Variants in ACOX3 observed in about 807,000 individuals in gnomAD.
The protein encoded by ACOX3 is peroxisomal acyl-coenzyme A oxidase 3.
ACOX3 carries 73 observed loss-of-function variants against 81.5 expected under a neutral mutation model. The ratio of observed to expected loss-of-function variants is 0.90; its 90% CI spans 0.74 to 1.09. The LOEUF (loss-of-function observed/expected upper bound fraction) is 1.09. ACOX3 is among the 50% of genes least tolerant of loss of function. ACOX3 has a pLI of 0.00. For missense variants in ACOX3, 947 were observed against 928.0 expected, an observed-to-expected ratio of 1.02 and a Z score of -0.27; for synonymous variants, 387 against 375.1, an observed-to-expected ratio of 1.03 and a Z score of -0.37.
downstream of ACOX3, among the ~76,000 whole-genome samples, chr4:8,364,053 T>C (rs890568405): frequency 6.6e-5 from 10 of 152,178 alleles, no homozygotes; most frequent in Non-Finnish European, 1.5e-4. This position sits in a 1 kb window ranked among gnomAD's most constrained non-coding sequence, Gnocchi z 5.0. Flanking sequence ...GGATTCACCC[T>C]GAATTCTTTC....
chr4:8,440,388 C>T (rs779480841), intron 1 of ACOX3, among the ~76,000 whole-genome samples: 2 of 152,228 alleles, frequency 1.3e-5, no homozygotes, highest in Admixed American at 6.5e-5. Flanking sequence ...ATGAAACAGC[C>T]ATGGCTGCAC....
chr4:8,432,515 G>A lies in ACOX3; in HGVS notation c.-15+8133C>T, dbSNP rs1345462853. On this transcript the variant is annotated intron_variant, in intron 1 of 17. Coordinates refer to ENST00000356406, the MANE Select transcript of ACOX3 (RefSeq NM_003501.3). The surrounding 1 kb of genome is among the most constrained non-coding windows in gnomAD (Gnocchi z 6.2). ...CCCAATGTGCTGGGATTACAGGCGT[G>A]AGCCACCGCGCCCGGCCTGATTTTT... Among the ~76,000 whole-genome samples the A allele has an allele frequency of 6.7e-6, 1 of 149,904 alleles. No individual in the cohort carries two copies. Among genetic ancestry groups the A allele is most frequent in the Non-Finnish European group, 1.5e-5 (1 of 67,612 alleles).
chr4:8,416,542 A>T lies in ACOX3; in HGVS notation c.-14-7T>A, dbSNP rs1158324025. The T allele has an allele frequency of 6.4e-7, 1 of 1,574,120 alleles. No homozygotes were observed. The highest frequency in any genetic ancestry group is 8.6e-7 in the Non-Finnish European group (1 of 1,159,218). The stretch of plus-strand genomic sequence containing the variant: ...GCCATCGCGTGATAAGAGCCTGCAC[A>T]AAACATGCAACCTGAATCCATGCTC... On this transcript the variant is annotated splice_polypyrimidine_tract_variant and splice_region_variant and intron_variant, in intron 1 of 17. Transcript: ENST00000356406. The surrounding 1 kb of genome is among the most constrained non-coding windows in gnomAD (Gnocchi z 4.2).
Position 8,406,195 on chromosome 4 carries a change from C to T in ACOX3, c.688-152G>A, listed in dbSNP as rs895310004. On this transcript the variant is annotated intron_variant, in intron 6 of 17. Coordinates refer to ENST00000356406, the MANE Select transcript of ACOX3 (RefSeq NM_003501.3). This position sits in a 1 kb window ranked among gnomAD's most constrained non-coding sequence, Gnocchi z 5.6. ...CCTCCAGAAATGATACATCCAAGTC[C>T]TAACCCCAGGACCTGGGAATGGAAG... The T allele has an allele frequency of 7.1e-6, 5 of 704,698 alleles. No homozygotes were observed. Among genetic ancestry groups the T allele is most frequent in the African/African-American group, 7.0e-5 (4 of 57,028 alleles). 43.7% of individuals were successfully genotyped at this position (704,698 alleles called of 1,614,324 possible).
rs923338049 is a variant in ACOX3, at chr4:8,386,558, T to C, written c.1537+2615A>G. 7.3e-6 allele frequency among the ~76,000 whole-genome samples: 1 copy of C among 137,596 alleles called. No individual in the cohort carries two copies. 90.3% of individuals were successfully genotyped at this position (137,596 alleles called of 152,430 possible). The stretch of plus-strand genomic sequence containing the variant: ...TCCAGCCTGGGCGACAGAGCGAGAC[T>C]CCGTCTCAAAAAAAAAAAAAAAAAG... On this transcript the variant is annotated intron_variant, in intron 13 of 17. Coordinates refer to ENST00000356406, the MANE Select transcript of ACOX3 (RefSeq NM_003501.3). This position sits in a 1 kb window ranked among gnomAD's most constrained non-coding sequence, Gnocchi z 5.2.
At chr4:8,412,711 C>A (rs1197004810) in intron 5 of ACOX3, among the ~76,000 whole-genome samples, 3 of 152,086 alleles carry the variant, frequency 2.0e-5, no homozygotes, top group Admixed American at 6.5e-5. Context: ...GAGACCTAGG[C>A]CTCAGGGACA....
intron 1 of ACOX3, chr4:8,436,183 A>G (rs1397168650): frequency 6.6e-6 from 1 of 152,174 alleles, no homozygotes; most frequent in East Asian, 1.9e-4. Flanking sequence ...AGCCCTGTCG[A>G]GCATTAACTG....
In ACOX3 at chr4:8,389,272, G is replaced by A. The variant is rs138860196; in HGVS notation, c.1438C>T (p.Arg480Cys). The stretch of plus-strand genomic sequence containing the variant: ...AAGTCCACTGACTTCAGCGGACTGC[G>A]GAAGCAAGCTCCATCTAGGACACAC... ...AHQVHDGACF[R>C]SPLKSVDFLD... The change falls in exon 13 of 18, where the codon CGC (arginine) becomes TGC (cysteine). Residue 480 changes from arginine to cysteine, a missense_variant. Arg to Cys is a radical substitution (Grantham distance 180, BLOSUM62 -3). Transcript: ENST00000356406. The surrounding 1 kb of genome is among the most constrained non-coding windows in gnomAD (Gnocchi z 5.3). 132 of 1,612,702 alleles carry A rather than the reference G, an allele frequency of 8.2e-5. No individual in the cohort carries two copies. The highest frequency in any genetic ancestry group is 1.2e-4 in the African/African-American group (9 of 74,910).
the ACOX3 span, among the ~76,000 whole-genome samples, chr4:8,359,703 C>T: frequency 1.5e-4 from 23 of 152,338 alleles, no homozygotes; most frequent in East Asian, 3.7e-3. This position sits in a 1 kb window ranked among gnomAD's most constrained non-coding sequence, Gnocchi z 6.0. Flanking sequence ...AAGCAGCCAC[C>T]TAAACTTTTC....
intron 1 of ACOX3, among the ~76,000 whole-genome samples, chr4:8,425,311 T>C (rs1282760114): frequency 1.3e-5 from 2 of 152,050 alleles, no homozygotes; most frequent in Non-Finnish European, 2.9e-5. Context: ...TAATCCCCTG[T>C]AGGAAACCAA....
rs545477722 is a variant in ACOX3, at chr4:8,426,991, G to A, written c.-14-10456C>T. Among the ~76,000 whole-genome samples the A allele has an allele frequency of 4.6e-5, 7 of 152,264 alleles. No homozygotes were observed. The East Asian group carries it at 1.4e-3, about 29-fold the overall frequency. On this transcript the variant is annotated intron_variant, in intron 1 of 17. Coordinates refer to ENST00000356406, the MANE Select transcript of ACOX3 (RefSeq NM_003501.3). ...CGGTCATCGGCCAACCTCCCCAACA[G>A]CACTTGGGTTTTCCTGTTGAGAGGG...
chr4:8,407,056 C>T lies in ACOX3; in HGVS notation c.688-1013G>A, dbSNP rs558026651. 2.6e-5 allele frequency among the ~76,000 whole-genome samples: 4 copies of T among 152,304 alleles called. No individual in the cohort carries two copies. Among genetic ancestry groups the T allele is most frequent in the African/African-American group, 9.6e-5 (4 of 41,568 alleles). On this transcript the variant is annotated intron_variant, in intron 6 of 17. Transcript: ENST00000356406. This position sits in a 1 kb window ranked among gnomAD's most constrained non-coding sequence, Gnocchi z 4.6. Reference sequence around the variant, plus strand: ...CGCTAGACCACGGTCTGCTTGGCAACGGGCGTCTTCCCAGATGCTGGCATC... The same window carrying T: ...CGCTAGACCACGGTCTGCTTGGCAATGGGCGTCTTCCCAGATGCTGGCATC...
Position 8,415,957 on chromosome 4 carries a change from G to C in ACOX3, c.187C>G (p.Arg63Gly), listed in dbSNP as rs536872411. 159 of 1,614,180 alleles carry C rather than the reference G, an allele frequency of 9.9e-5. 1 individual carries two copies. In the South Asian group the frequency reaches 1.7e-3, roughly 17 times the overall value. The change falls in exon 3 of 18, where the codon CGT (arginine) becomes GGT (glycine). Residue 63 changes from arginine (R) to glycine (G), a missense_variant. Coordinates refer to ENST00000356406, the MANE Select transcript of ACOX3 (RefSeq NM_003501.3). Reference protein sequence around the residue: ...SALENDPLFARSPGADLSLEK... With the variant: ...SALENDPLFAGSPGADLSLEK... Reference sequence around the variant, plus strand: ...AAGGACAGATCGGCTCCAGGGGAACGAGCGAAAAGAGGGTCATTCTCAAGA... The same window carrying C: ...AAGGACAGATCGGCTCCAGGGGAACCAGCGAAAAGAGGGTCATTCTCAAGA...
In ACOX3 at chr4:8,429,622, G is replaced by A. The variant is rs571348595; in HGVS notation, c.-15+11026C>T. On this transcript the variant is annotated intron_variant, in intron 1 of 17. Coordinates refer to ENST00000356406, the MANE Select transcript of ACOX3 (RefSeq NM_003501.3). The stretch of plus-strand genomic sequence containing the variant: ...CTGCCAGTGAAAGAGCGAAGATGGA[G>A]TCTGTCTGGCTCTCTTAGCGAAGGG... Among the ~76,000 whole-genome samples the A allele has an allele frequency of 2.6e-5, 4 of 152,324 alleles. No homozygotes were observed. The South Asian group carries it at 8.3e-4, about 32-fold the overall frequency.
rs139071120 is a variant in ACOX3 at position 8,373,183 on chromosome 4, G to A, written c.1896+378C>T. Among the ~76,000 whole-genome samples, 485 of 152,328 alleles carry A rather than the reference G, an allele frequency of 3.2e-3. 1 individual carries two copies. Among genetic ancestry groups the A allele is most frequent in the African/African-American group, 0.011 (468 of 41,564 alleles). On this transcript the variant is annotated intron_variant, in intron 16 of 17. Coordinates refer to ENST00000356406, the MANE Select transcript of ACOX3 (RefSeq NM_003501.3). ...GTAGCTGCAAAAGGTGTGTGAGAGG[G>A]CCTGGGTGTGTGCAGATCTGGAGAC...
chr4:8,435,038 C>A (rs1302817913), intron 1 of ACOX3, among the ~76,000 whole-genome samples: 4 of 152,010 alleles, frequency 2.6e-5, no homozygotes, highest in Non-Finnish European at 5.9e-5. Context: ...CCGCTAGAAA[C>A]TGTGTTAAAA....
At chr4:8,362,996 GA>G (rs1436369072), downstream of ACOX3, among the ~76,000 whole-genome samples, 2 of 152,230 alleles carry the variant, frequency 1.3e-5, no homozygotes, top group Admixed American at 1.3e-4. Context: ...ACTAGAGAGA[GA>G]AATTATGTTT....
intron 14 of ACOX3, among the ~76,000 whole-genome samples, chr4:8,376,674 C>T (rs1244484166): frequency 6.6e-6 from 1 of 152,162 alleles, no homozygotes; most frequent in Non-Finnish European, 1.5e-5. Context: ...CTGTCGGTGC[C>T]AGGAAGGCCC....
chr4:8,366,565 T>C lies in ACOX3; in HGVS notation c.*396A>G, dbSNP rs2108772873. The C allele has an allele frequency of 5.9e-6, 1 of 169,764 alleles. No homozygotes were observed. Among genetic ancestry groups the C allele is most frequent in the South Asian group, 1.6e-4 (1 of 6,386 alleles). The allele number at this position is 169,764 out of a possible 1,614,324, so 10.5% of individuals were successfully genotyped here. ...CAGACTGGCATCATTGACTTCTCAA[T>C]GAAGTGGAGCTCGGTAAAAAATCTA... On this transcript the variant is annotated 3_prime_UTR_variant, in exon 18 of 18. Transcript: ENST00000356406.
Sources: allele counts gnomAD v4.1 joint callset (sites outside exome capture counted in the v4.1 genomes callset), GRCh38; gene constraint gnomAD v4.1.1; non-coding constraint Gnocchi (gnomAD v3.1); transcripts MANE v1.5; gene names NCBI Gene and HGNC (gene_info 2026-07-23, HGNC 2026-07-21).